USP42: variants seen among roughly 807,000 people sequenced by gnomAD.
USP42 encodes the protein ubiquitin carboxyl-terminal hydrolase 42.
USP42 carries 23 observed loss-of-function variants against 113.0 expected under a neutral mutation model. The ratio of observed to expected loss-of-function variants is 0.20; its 90% CI spans 0.15 to 0.29. USP42 has a LOEUF of 0.29. Among genes scored for constraint, USP42 ranks in the 10% least tolerant of loss-of-function variants. USP42 has a pLI of 1.00. For missense variants in USP42, 2,174 were observed against 1,779.8 expected (o/e 1.22, Z -3.99); for synonymous variants, 933 against 699.0 (o/e 1.33, Z -5.28).
At chr7:6,104,709 G>A (rs981189399), upstream of USP42, among the ~76,000 whole-genome samples, 1 of 152,166 alleles carries the variant, frequency 6.6e-6, no homozygotes, top group African/African-American at 2.4e-5. Context: ...CGCTCCCTCT[G>A]CCGGCCCGAC....
intron 9 of USP42, 47 bp from the exon 10 acceptor site, chr7:6,145,469 T>G (rs192555840): frequency 6.2e-7 from 1 of 1,611,684 alleles, no homozygotes; most frequent in Non-Finnish European, 8.5e-7. Context: ...ATATGTGGAA[T>G]GATCTGTGCC....
chr7:6,128,569 T>A (rs1780667105), intron 3 of USP42, among the ~76,000 whole-genome samples: 1 of 152,200 alleles, frequency 6.6e-6, no homozygotes, highest in Non-Finnish European at 1.5e-5. Context: ...GTTCAATCCA[T>A]TTTGTGAGTC....
At chr7:6,137,630 T>C (rs748240259) in intron 4 of USP42, among the ~76,000 whole-genome samples, 1 of 152,086 alleles carries the variant, frequency 6.6e-6, no homozygotes, top group Non-Finnish European at 1.5e-5. Flanking sequence ...AGTGCAGAGA[T>C]TACAGACGTG....
At position 6,150,026 on chromosome 7, in the gene USP42, G is replaced by A. The variant is rs1231794649; in HGVS notation, c.1830G>A (p.Glu610=). The part of the protein sequence containing the change: ...NSSVLVPYGA[E]SSEDSDEESK... ...GCGTGCTGGTGCCCTATGGCGCCGAGTCCTCTGAGGACTCTGACGAGGAGT... is the reference window on the plus strand; with the variant it reads ...GCGTGCTGGTGCCCTATGGCGCCGAATCCTCTGAGGACTCTGACGAGGAGT... The change falls in exon 13 of 18, where the codon GAG becomes GAA. Residue 610 remains glutamate (E), a synonymous_variant. Transcript: ENST00000306177. 2 of 1,612,534 alleles carry A rather than the reference G, an allele frequency of 1.2e-6. No homozygotes were observed. The highest frequency in any genetic ancestry group is 3.4e-5 in the Admixed American group (2 of 59,674).
chr7:6,141,480 G>A (rs1454673555), intron 7 of USP42, among the ~76,000 whole-genome samples: 1 of 151,946 alleles, frequency 6.6e-6, no homozygotes, highest in Non-Finnish European at 1.5e-5. Flanking sequence ...ACAGGCGTGA[G>A]CCACCGCGCC....
intron 3 of USP42, among the ~76,000 whole-genome samples, chr7:6,118,697 A>G (rs1165602942): frequency 2.0e-5 from 3 of 152,128 alleles, no homozygotes; most frequent in Admixed American, 6.6e-5. Context: ...ATTTTTTTGC[A>G]TATGGATGTT....
upstream of USP42, among the ~76,000 whole-genome samples, chr7:6,100,133 G>A (rs1790075399): frequency 6.7e-6 from 1 of 149,346 alleles, no homozygotes; most frequent in Admixed American, 6.6e-5. Context: ...GATTACAGGT[G>A]TGAGTCACCG....
chr7:6,159,570 G>T lies in USP42; in HGVS notation c.*36+77G>T. 2 of 1,444,838 alleles carry T rather than the reference G, an allele frequency of 1.4e-6. No individual in the cohort carries two copies. Among genetic ancestry groups the T allele is most frequent in the Admixed American group, 1.8e-5 (1 of 56,080 alleles). 89.5% of individuals were successfully genotyped at this position (1,444,838 alleles called of 1,614,324 possible). On this transcript the variant is annotated intron_variant, in intron 17 of 17. Transcript: ENST00000306177. The surrounding 1 kb of genome is among the most constrained non-coding windows in gnomAD (Gnocchi z 4.1). ...ACGCAGGCAGAGGAGTTTTAATTCT[G>T]CGGCTCTGCCTGGGGGCTGGGCTCA... is the stretch of plus-strand genomic sequence containing the variant.
intron 2 of USP42, 36 bp from the exon 3 acceptor site, chr7:6,115,287 G>T: frequency 6.2e-7 from 1 of 1,603,932 alleles, no homozygotes; most frequent in Non-Finnish European, 8.5e-7. Context: ...AGTATGCAAA[G>T]CTTGGTTTCT....
At chr7:6,108,894 G>A (rs929093312) in intron 1 of USP42, among the ~76,000 whole-genome samples, 2 of 152,344 alleles carry the variant, frequency 1.3e-5, no homozygotes, top group Middle Eastern at 3.4e-3. Context: ...GCAAACGCTA[G>A]TTGTTTTCTG....
Position 6,157,096 on chromosome 7 carries a change from T to G in USP42, c.3943+41T>G. ...TGGAATTAGGAAGATAGAAACTATTTCTTAATACATTTTCTTTGCAAAGGT... is the reference window on the plus strand; with the variant it reads ...TGGAATTAGGAAGATAGAAACTATTGCTTAATACATTTTCTTTGCAAAGGT... On this transcript the variant is annotated intron_variant, in intron 16 of 17. Transcript: ENST00000306177. This position sits in a 1 kb window ranked among gnomAD's most constrained non-coding sequence, Gnocchi z 4.1. The G allele has an allele frequency of 6.6e-7, 1 of 1,512,760 alleles. No homozygotes were observed. Among genetic ancestry groups the G allele is most frequent in the Non-Finnish European group, 8.8e-7 (1 of 1,135,596 alleles). The allele number at this position is 1,512,760 out of a possible 1,614,324, so 93.7% of individuals were successfully genotyped here. A position where few individuals can be genotyped will look rare whatever the true frequency, so the allele number is the denominator to read the frequency against.
Position 6,154,495 on chromosome 7 carries a change from C to T in USP42, c.2941C>T (p.Arg981Cys), listed in dbSNP as rs765858844. The change falls in exon 15 of 18, where the codon CGC becomes TGC. Residue 981 changes from arginine (R) to cysteine (C), a missense_variant. Physicochemically the swap from Arg to Cys is radical, Grantham distance 180 (BLOSUM62 -3). Transcript: ENST00000306177. ...SKTEGHRHRR[R>C]RTCPRERDRQ... The stretch of plus-strand genomic sequence containing the variant: ...GACTGAGGGCCACCGTCACCGGCGG[C>T]GCCGCACCTGCCCCCGGGAGCGCGA... 11 of 1,545,020 alleles carry T rather than the reference C, an allele frequency of 7.1e-6. No individual in the cohort carries two copies. The highest frequency in any genetic ancestry group is 1.8e-4 in the Middle Eastern group (1 of 5,702).
chr7:6,097,738 C>T, the USP42 span, among the ~76,000 whole-genome samples: 1 of 148,184 alleles, frequency 6.7e-6, no homozygotes, highest in African/African-American at 2.6e-5. Flanking sequence ...CTACAGGCGG[C>T]CGCCACCATG....
At position 6,115,347 on chromosome 7, in the gene USP42, C is replaced by T; in HGVS notation, c.266C>T (p.Pro89Leu). Residue 89 changes from proline (P) to leucine (L), a missense_variant, in exon 3 of 18, where the codon CCA (proline) becomes CTA (leucine). Coordinates refer to ENST00000306177, the MANE Select transcript of USP42 (RefSeq NM_032172.3). ...GCCCTAGGTGATGGCATCGCTCCTC[C>T]ACAGAAAGTTCTTTTCCCATCTGAG... ...DQALGDGIAPPQKVLFPSEKI... is the reference protein window; with the variant it reads ...DQALGDGIAPLQKVLFPSEKI... 6.2e-7 allele frequency: 1 copy of T among 1,614,000 alleles called. No individual in the cohort carries two copies. Among genetic ancestry groups the T allele is most frequent in the Non-Finnish European group, 8.5e-7 (1 of 1,179,894 alleles).
chr7:6,147,399 G>T (rs920842806), intron 11 of USP42, among the ~76,000 whole-genome samples: 20 of 152,210 alleles, frequency 1.3e-4, no homozygotes, highest in Non-Finnish European at 1.9e-4. Flanking sequence ...AGCAATGGCT[G>T]TTCCTCTGCA....
chr7:6,154,890 C>G lies in USP42; in HGVS notation c.3336C>G (p.His1112Gln). Residue 1112 changes from histidine to glutamine, a missense_variant, in exon 15 of 18, where the codon CAC becomes CAG. Coordinates refer to ENST00000306177, the MANE Select transcript of USP42 (RefSeq NM_032172.3). Reference protein sequence around the residue: ...GCEPARERERHRPSSPRAGAP... With the variant: ...GCEPARERERQRPSSPRAGAP... The stretch of plus-strand genomic sequence containing the variant: ...AGCCGGCCCGGGAGAGGGAGCGGCA[C>G]CGCCCCAGCAGCCCCCGCGCAGGCG... 2 of 1,538,996 alleles carry G rather than the reference C, an allele frequency of 1.3e-6. No individual in the cohort carries two copies. The highest frequency in any genetic ancestry group is 1.8e-6 in the Non-Finnish European group (2 of 1,140,982).
Position 6,156,979 on chromosome 7 carries a change from A to G in USP42, c.3867A>G (p.Gly1289=), listed in dbSNP as rs1228309822. ...GTGGCCCGCCTCTGGAAGGCGTCGG[A>G]CCTTTCCGTGAGAAAACGAAACACT... ...LSGGPPLEGV[G]PFREKTKHLR... is the part of the protein sequence containing the mutation. Residue 1289 remains glycine (G), a synonymous_variant, in exon 16 of 18, where the codon GGA becomes GGG. Transcript: ENST00000306177. The G allele has an allele frequency of 1.2e-6, 2 of 1,613,740 alleles. No individual in the cohort carries two copies. The highest frequency in any genetic ancestry group is 1.7e-6 in the Non-Finnish European group (2 of 1,179,794).
rs1036697121 is a variant in USP42 at position 6,161,295 on chromosome 7, C to T, written c.*777C>T. The T allele has an allele frequency of 1.3e-5, 2 of 152,540 alleles. No homozygotes were observed. Among genetic ancestry groups the T allele is most frequent in the East Asian group, 1.9e-4 (1 of 5,192 alleles). 9.4% of individuals were successfully genotyped at this position (152,540 alleles called of 1,614,324 possible). On this transcript the variant is annotated 3_prime_UTR_variant, in exon 18 of 18. Coordinates refer to ENST00000306177, the MANE Select transcript of USP42 (RefSeq NM_032172.3). Reference sequence around the variant, plus strand: ...CCCTTCGAGTTTCTAGTTACAGACACAATCATACTGTGATTTTATTTTTAA... The same window carrying T: ...CCCTTCGAGTTTCTAGTTACAGACATAATCATACTGTGATTTTATTTTTAA...
intron 3 of USP42, among the ~76,000 whole-genome samples, chr7:6,121,837 TTTTTGTAGAGACGAGGTC>T (rs1780242264): frequency 1.3e-5 from 2 of 152,162 alleles, no homozygotes; most frequent in South Asian, 4.1e-4. Flanking sequence ...TTTTAAATTA[TTTTTGTAGAGACGAGGTC>T]TCACTATGTT....
Sources: allele counts gnomAD v4.1 joint callset (sites outside exome capture counted in the v4.1 genomes callset), GRCh38; gene constraint gnomAD v4.1.1; non-coding constraint Gnocchi (gnomAD v3.1); transcripts MANE v1.5; gene names NCBI Gene and HGNC (gene_info 2026-07-23, HGNC 2026-07-21).